ABRA: variants seen among roughly 807,000 people sequenced by gnomAD.
ABRA encodes actin-binding Rho-activating protein.
ABRA carries 25 observed loss-of-function variants against 33.4 expected under a neutral mutation model. The ratio of observed to expected loss-of-function variants is 0.75; its 90% CI spans 0.55 to 1.04. ABRA has a LOEUF of 1.04. ABRA is among the 50% of genes least tolerant of loss of function. The probability of loss-of-function intolerance (pLI) is 0.00; values close to 1 mark genes in which losing one functional copy is unlikely to be tolerated. For missense variants in ABRA, 501 were observed against 491.7 expected (o/e 1.02, Z -0.18); for synonymous variants, 193 against 176.8 (o/e 1.09, Z -0.73).
intron 1 of ABRA, among the ~76,000 whole-genome samples, chr8:106,766,886 A>G (rs1226080142): frequency 6.6e-6 from 1 of 152,248 alleles, no homozygotes; most frequent in African/African-American, 2.4e-5. Flanking sequence ...CGAGAGACTC[A>G]GGATTACCAA....
Position 106,761,071 on chromosome 8 carries a change from C to A in ABRA, c.1112G>T (p.Arg371Leu), listed in dbSNP as rs1301517822. ...TAGCGTAATCACAACATGGTCATCTCGGCCTTGCCATAGCATCTCTCCTTC... is the reference window on the plus strand; with the variant it reads ...TAGCGTAATCACAACATGGTCATCTAGGCCTTGCCATAGCATCTCTCCTTC... ...DFEGEMLWQG[R>L]DDHVVITLLK Residue 371 changes from arginine (R) to leucine (L), a missense_variant, in exon 2 of 2, where the codon CGA becomes CTA. Coordinates refer to ENST00000311955, the MANE Select transcript of ABRA (RefSeq NM_139166.5). 6.2e-7 allele frequency: 1 copy of A among 1,614,160 alleles called. No individual in the cohort carries two copies. The highest frequency in any genetic ancestry group is 1.7e-5 in the Admixed American group (1 of 60,028).
At chr8:106,765,239 G>C (rs1465879502) in intron 1 of ABRA, among the ~76,000 whole-genome samples, 3 of 152,086 alleles carry the variant, frequency 2.0e-5, no homozygotes, top group Non-Finnish European at 4.4e-5. Context: ...AGCCAGGCCT[G>C]GTGGCACGTG....
chr8:106,761,440 C>T lies in ABRA; in HGVS notation c.743G>A (p.Arg248Lys), dbSNP rs750498521. Residue 248 changes from arginine (R) to lysine (K), a missense_variant, in exon 2 of 2, where the codon AGA becomes AAA. Physicochemically the swap from Arg to Lys is conservative, Grantham distance 26 (BLOSUM62 2). Transcript: ENST00000311955. ...KYSPVGNLKG[R>K]WQQWADEHIQ... ...GTGTTCATCAGCCCACTGCTGCCAT[C>T]TCCCTTTCAAGTTGCCCACTGGGCT... 37 of 1,614,104 alleles carry T rather than the reference C, an allele frequency of 2.3e-5. No homozygotes were observed. In the Admixed American group the frequency reaches 6.2e-4, roughly 27 times the overall value.
chr8:106,769,988 G>A lies in ABRA; in HGVS notation c.203C>T (p.Pro68Leu). Residue 68 changes from proline (P) to leucine (L), a missense_variant, in exon 1 of 2, where the codon CCC becomes CTC. Physicochemically the swap from Pro to Leu is moderately conservative, Grantham distance 98. Transcript: ENST00000311955. Reference sequence around the variant, plus strand: ...CTGAGCTTTCTGGTGTGAAGTAGGGGGTGTGATTGGTTTAGGAGCTTGAGG... The same window carrying A: ...CTGAGCTTTCTGGTGTGAAGTAGGGAGTGTGATTGGTTTAGGAGCTTGAGG... The part of the protein sequence containing the change: ...DSPQAPKPIT[P>L]PTSHQKAQSA... 2 of 1,614,012 alleles carry A rather than the reference G, an allele frequency of 1.2e-6. No individual in the cohort carries two copies. Among genetic ancestry groups the A allele is most frequent in the South Asian group, 1.1e-5 (1 of 91,070 alleles).
Position 106,760,650 on chromosome 8 carries a change from G to T in ABRA, c.*387C>A, listed in dbSNP as rs113046704. The T allele has an allele frequency of 1.2e-5, 2 of 171,836 alleles. No homozygotes were observed. Among genetic ancestry groups the T allele is most frequent in the Non-Finnish European group, 1.2e-5 (1 of 81,066 alleles). 10.6% of individuals were successfully genotyped at this position (171,836 alleles called of 1,614,324 possible). A position where few individuals can be genotyped will look rare whatever the true frequency, so the allele number is the denominator to read the frequency against. ...ATATTTTGCCTAAAATATACAAGTG[G>T]CTGGGTGCTGTTGCTCATGCCTATA... is the stretch of plus-strand genomic sequence containing the variant. On this transcript the variant is annotated 3_prime_UTR_variant, in exon 2 of 2. Transcript: ENST00000311955.
At chr8:106,764,723 T>C (rs1481380211) in intron 1 of ABRA, among the ~76,000 whole-genome samples, 1 of 152,122 alleles carries the variant, frequency 6.6e-6, no homozygotes, top group African/African-American at 2.4e-5. Flanking sequence ...AATATTAATG[T>C]CTATTTGTTA....
Position 106,769,568 on chromosome 8 carries a change from C to G in ABRA, c.623G>C (p.Gly208Ala). Residue 208 changes from glycine to alanine, a missense_variant, in exon 1 of 2, where the codon GGA becomes GCA. By Grantham distance (60) the Gly-to-Ala change is moderately conservative. Transcript: ENST00000311955. ...GATCCTGACCACAGCCACCTGCACT[C>G]CATCCTGCTCGGGCCTCTCCTCAGC... The part of the protein sequence containing the change: ...GEAEERPEQD[G>A]VQVAVVRIKR... 6.2e-7 allele frequency: 1 copy of G among 1,614,176 alleles called. No homozygotes were observed. The highest frequency in any genetic ancestry group is 8.5e-7 in the Non-Finnish European group (1 of 1,180,030).
At chr8:106,769,339 T>C (rs931141989) in intron 1 of ABRA, among the ~76,000 whole-genome samples, 184 bp downstream of exon 1, 4 of 152,174 alleles carry the variant, frequency 2.6e-5, no homozygotes, top group African/African-American at 9.7e-5. Context: ...AAAAGGTCCA[T>C]GTCTAAGGTT....
At chr8:106,761,988 T>C (rs1836146437) in intron 1 of ABRA, among the ~76,000 whole-genome samples, 1 of 152,178 alleles carries the variant, frequency 6.6e-6, no homozygotes, top group Non-Finnish European at 1.5e-5. Context: ...TATATGTGGA[T>C]TTTTCAGTGA....
chr8:106,763,398 T>TA (rs1198435285), intron 1 of ABRA, among the ~76,000 whole-genome samples: 2 of 152,176 alleles, frequency 1.3e-5, no homozygotes, highest in Non-Finnish European at 2.9e-5. Flanking sequence ...AGTTAATTAG[T>TA]AAAAGAAAGC....
Position 106,760,272 on chromosome 8 carries a change from G to A in ABRA, c.*765C>T, listed in dbSNP as rs1475008345. On this transcript the variant is annotated 3_prime_UTR_variant, in exon 2 of 2. Transcript: ENST00000311955. ...GCCTTCCTTTGTTGGTACTAAGACA[G>A]GAAGTGTCTGTTTTTATGTGATTTG... 6.6e-6 allele frequency: 1 copy of A among 152,164 alleles called. No homozygotes were observed. The highest frequency in any genetic ancestry group is 1.5e-5 in the Non-Finnish European group (1 of 68,028). The allele number at this position is 152,164 out of a possible 1,614,324, so 9.4% of individuals were successfully genotyped here. A position where few individuals can be genotyped will look rare whatever the true frequency, so the allele number is the denominator to read the frequency against.
chr8:106,770,145 C>A lies in ABRA; in HGVS notation c.46G>T (p.Ala16Ser). ...GTGGCTGTGCGTATCTTCCGGAGGGCGCTCTTGGCTGGGCCCTCCCCGCTT... is the reference window on the plus strand; with the variant it reads ...GTGGCTGTGCGTATCTTCCGGAGGGAGCTCTTGGCTGGGCCCTCCCCGCTT... The part of the protein sequence containing the change: ...KESGEGPAKS[A>S]LRKIRTATLV... The change falls in exon 1 of 2, where the codon GCC (alanine) becomes TCC (serine). Residue 16 changes from alanine (A) to serine (S), a missense_variant. Coordinates refer to ENST00000311955, the MANE Select transcript of ABRA (RefSeq NM_139166.5). 6.2e-7 allele frequency: 1 copy of A among 1,612,926 alleles called. No homozygotes were observed. The highest frequency in any genetic ancestry group is 1.1e-5 in the South Asian group (1 of 91,002).
chr8:106,769,823 T>A lies in ABRA; in HGVS notation c.368A>T (p.Asp123Val), dbSNP rs1370916524. 6.2e-7 allele frequency: 1 copy of A among 1,614,084 alleles called. No individual in the cohort carries two copies. The highest frequency in any genetic ancestry group is 1.3e-5 in the African/African-American group (1 of 75,010). Residue 123 changes from aspartate (D) to valine (V), a missense_variant, in exon 1 of 2, where the codon GAC becomes GTC. Transcript: ENST00000311955. ...GTACCTGTGGCTGAGGTGGCTCACG[T>A]CCCCTCCTCTCTCATAAGTCTTGCT... ...VVSKTYERGG[D>V]VSHLSHRYER...
chr8:106,766,322 T>G (rs1836220080), intron 1 of ABRA, among the ~76,000 whole-genome samples: 1 of 152,210 alleles, frequency 6.6e-6, no homozygotes, highest in Middle Eastern at 3.2e-3. Flanking sequence ...TTTTCACAGT[T>G]GATCTGTTTC....
At position 106,761,032 on chromosome 8, in the gene ABRA, A is replaced by G. The variant is rs182956190; in HGVS notation, c.*5T>C. The G allele has an allele frequency of 3.4e-5, 55 of 1,604,464 alleles. No individual in the cohort carries two copies. The East Asian group carries it at 1.1e-3, about 33-fold the overall frequency. ...GGGCCAAATTTGGCTTTTGTTTTTG[A>G]AGGTTCACTTGAGTAGCGTAATCAC... On this transcript the variant is annotated 3_prime_UTR_variant, in exon 2 of 2. Transcript: ENST00000311955.
At chr8:106,769,148 T>A (rs1239817319) in intron 1 of ABRA, among the ~76,000 whole-genome samples, 1 of 152,116 alleles carries the variant, frequency 6.6e-6, no homozygotes, top group African/African-American at 2.4e-5. Flanking sequence ...CCCCAATGAG[T>A]CTATCAGAAA....
rs748668005 is a variant in ABRA at position 106,761,366 on chromosome 8, G to A, written c.817C>T (p.Leu273=). 2 of 1,614,170 alleles carry A rather than the reference G, an allele frequency of 1.2e-6. No homozygotes were observed. Among genetic ancestry groups the A allele is most frequent in the South Asian group, 1.1e-5 (1 of 91,090 alleles). ...TTGTGTAGGCGGGTGGACATGGCCAGCTCGTAATCAAACTCTTCACTGAAA... is the reference window on the plus strand; with the variant it reads ...TTGTGTAGGCGGGTGGACATGGCCAACTCGTAATCAAACTCTTCACTGAAA... ...NPFSEEFDYE[L]AMSTRLHKGD... Residue 273 remains leucine (L), a synonymous_variant, in exon 2 of 2, where the codon CTG becomes TTG. Coordinates refer to ENST00000311955, the MANE Select transcript of ABRA (RefSeq NM_139166.5).
intron 1 of ABRA, among the ~76,000 whole-genome samples, chr8:106,767,367 G>T (rs1321778546): frequency 6.6e-6 from 1 of 152,064 alleles, no homozygotes; most frequent in Non-Finnish European, 1.5e-5. Context: ...TCCATTTCTA[G>T]CACACATGTC....
chr8:106,763,864 T>C (rs1277729872), intron 1 of ABRA, among the ~76,000 whole-genome samples: 3 of 152,210 alleles, frequency 2.0e-5, no homozygotes, highest in Non-Finnish European at 4.4e-5. Context: ...CATCCTGGCT[T>C]TAAACAGTTT....
Sources: allele counts gnomAD v4.1 joint callset (sites outside exome capture counted in the v4.1 genomes callset), GRCh38; gene constraint gnomAD v4.1.1; transcripts MANE v1.5; gene names NCBI Gene and HGNC (gene_info 2026-07-23, HGNC 2026-07-21).